The following KHDRBS2 variants were observed in gnomAD, a reference collection of about 807,000 sequenced individuals.
The protein encoded by KHDRBS2 is KH RNA binding domain containing, signal transduction associated 2.
KHDRBS2 carries 26 observed loss-of-function variants against 44.3 expected under a neutral mutation model. That is an observed-to-expected ratio of 0.59 (90% CI 0.43 to 0.81). KHDRBS2 has a LOEUF of 0.81. KHDRBS2 is among the 40% of genes least tolerant of loss of function. The pLI is 0.00. For synonymous variants in KHDRBS2, 194 were observed against 151.1 expected (o/e 1.28, Z -2.08); for missense variants, 476 against 433.1 (o/e 1.10, Z -0.88).
rs377582168 is a variant in KHDRBS2, at chr6:62,029,165, A to T, written c.336+18713T>A. On this transcript the variant is annotated intron_variant, in intron 3 of 8. Coordinates refer to ENST00000281156, the MANE Select transcript of KHDRBS2 (RefSeq NM_152688.4). ...AAATTTTTATATAACAATTATCTAA[A>T]CATAATTTTTAATAGCATATACTTT... 5.9e-5 allele frequency among the ~76,000 whole-genome samples: 9 copies of T among 152,146 alleles called. No individual in the cohort carries two copies. The East Asian group carries it at 1.7e-3, about 29-fold the overall frequency.
At chr6:61,877,697 G>A (rs1033187359) in intron 6 of KHDRBS2, among the ~76,000 whole-genome samples, 2 of 151,846 alleles carry the variant, frequency 1.3e-5, no homozygotes, top group Non-Finnish European at 2.9e-5. Flanking sequence ...TAAAAAAATG[G>A]TGTAAAAAAC....
chr6:61,637,866 C>A, the KHDRBS2 span, among the ~76,000 whole-genome samples: 3 of 152,076 alleles, frequency 2.0e-5, no homozygotes, highest in South Asian at 2.1e-4. Context: ...CCTTTGCCCA[C>A]TTTTTGATGG....
chr6:61,745,865 G>C lies in KHDRBS2; in HGVS notation c.811-13101C>G, dbSNP rs139661908. ...TAAAATATTTTATTTTATTTTATTT[G>C]CTCACACCTTTAAGTGGGGTTAAAA... On this transcript the variant is annotated intron_variant, in intron 6 of 8. Coordinates refer to ENST00000281156, the MANE Select transcript of KHDRBS2 (RefSeq NM_152688.4). 5.7e-3 allele frequency among the ~76,000 whole-genome samples: 862 copies of C among 151,848 alleles called. 11 individuals carry two copies. The highest frequency in any genetic ancestry group is 0.019 in the African/African-American group (793 of 41,434).
At chr6:62,284,021 T>A (rs893272427) in intron 1 of KHDRBS2, among the ~76,000 whole-genome samples, 1 of 152,086 alleles carries the variant, frequency 6.6e-6, no homozygotes, top group African/African-American at 2.4e-5. Context: ...TTCCCCCTGC[T>A]GGGAAAAAAT....
At chr6:61,687,410 T>G (rs1253142931) in intron 8 of KHDRBS2, among the ~76,000 whole-genome samples, 1 of 151,790 alleles carries the variant, frequency 6.6e-6, no homozygotes, top group Non-Finnish European at 1.5e-5. Context: ...CCCTAAAATC[T>G]TACCATGCAC....
chr6:61,552,835 C>A, the KHDRBS2 span, among the ~76,000 whole-genome samples: 1 of 151,984 alleles, frequency 6.6e-6, no homozygotes, highest in African/African-American at 2.4e-5. Context: ...ACCTTGCATC[C>A]CAGATATAAA....
chr6:62,171,654 T>C (rs1585050673), intron 2 of KHDRBS2, among the ~76,000 whole-genome samples: 2 of 151,274 alleles, frequency 1.3e-5, no homozygotes, highest in African/African-American at 2.4e-5. Context: ...CAAAATAAAA[T>C]AAAAGATATT....
chr6:61,821,957 T>C (rs771704331), intron 6 of KHDRBS2, among the ~76,000 whole-genome samples: 4 of 152,030 alleles, frequency 2.6e-5, no homozygotes, highest in Non-Finnish European at 5.9e-5. Flanking sequence ...AGTTGACCCA[T>C]TGTGTCAAAT....
chr6:62,017,961 C>T lies in KHDRBS2; in HGVS notation c.336+29917G>A, dbSNP rs564039995. Among the ~76,000 whole-genome samples, 238 of 151,620 alleles carry T rather than the reference C, an allele frequency of 1.6e-3. 6 individuals are homozygous for T. The South Asian group carries it at 0.046, about 30-fold the overall frequency. On this transcript the variant is annotated intron_variant, in intron 3 of 8. Transcript: ENST00000281156. Reference sequence around the variant, plus strand: ...AAATTTATTCTCCACTGCAAGTTACCGAAGACACATGATTCCATTAATCAT... The same window carrying T: ...AAATTTATTCTCCACTGCAAGTTACTGAAGACACATGATTCCATTAATCAT...
At chr6:61,812,197 C>G (rs1788224720) in intron 6 of KHDRBS2, among the ~76,000 whole-genome samples, 1 of 151,824 alleles carries the variant, frequency 6.6e-6, no homozygotes, top group Admixed American at 6.6e-5. Context: ...TTATCTACTT[C>G]CAACCATCGA....
At chr6:62,083,742 G>A (rs551116452) in intron 2 of KHDRBS2, among the ~76,000 whole-genome samples, 94 of 152,240 alleles carry the variant, frequency 6.2e-4, no homozygotes, top group Non-Finnish European at 1.2e-3. Flanking sequence ...GTCCTGCAAA[G>A]GGGTCAAGGG....
At chr6:61,947,505 A>G (rs866250224) in intron 4 of KHDRBS2, among the ~76,000 whole-genome samples, 34 of 152,224 alleles carry the variant, frequency 2.2e-4, no homozygotes, top group Middle Eastern at 3.4e-3. Context: ...TTGTTTAGTG[A>G]AGAGGAGAAA....
At chr6:61,955,464 G>GTA in intron 4 of KHDRBS2, among the ~76,000 whole-genome samples, 1 of 30,034 alleles carries the variant, frequency 3.3e-5, no homozygotes, top group Non-Finnish European at 6.0e-5. Flanking sequence ...ATATACATAT[G>GTA]TGTATATATA....
At chr6:62,066,703 A>T (rs1344993456) in intron 2 of KHDRBS2, among the ~76,000 whole-genome samples, 2 of 151,712 alleles carry the variant, frequency 1.3e-5, no homozygotes, top group African/African-American at 4.8e-5. Context: ...TTGAGCATAC[A>T]TTATGTGACA....
chr6:61,884,078 C>CA (rs1800579112), intron 6 of KHDRBS2, among the ~76,000 whole-genome samples: 1 of 151,976 alleles, frequency 6.6e-6, no homozygotes, highest in Admixed American at 6.6e-5. Context: ...CCTCTCCTGT[C>CA]AAAAAATGTT....
intron 6 of KHDRBS2, among the ~76,000 whole-genome samples, chr6:61,864,644 T>C (rs1386481344): frequency 6.6e-6 from 1 of 152,212 alleles, no homozygotes; most frequent in Non-Finnish European, 1.5e-5. Flanking sequence ...GTTAGTCTGA[T>C]AAGCTTCCCT....
At chr6:61,641,008 C>T in the KHDRBS2 span, among the ~76,000 whole-genome samples, 2 of 152,086 alleles carry the variant, frequency 1.3e-5, no homozygotes, top group Admixed American at 6.6e-5. Context: ...ATGCTCAAAA[C>T]CACCCCCACA....
chr6:61,937,880 T>A (rs961153360), intron 4 of KHDRBS2, among the ~76,000 whole-genome samples: 1 of 152,110 alleles, frequency 6.6e-6, no homozygotes, highest in African/African-American at 2.4e-5. Flanking sequence ...AATTTCCTCT[T>A]AATTTCTGGC....
chr6:61,769,771 C>A (rs1780567994), intron 6 of KHDRBS2, among the ~76,000 whole-genome samples: 1 of 152,220 alleles, frequency 6.6e-6, no homozygotes, highest in African/African-American at 2.4e-5. Context: ...AGGGCACAGA[C>A]AAACAAAAAG....
Sources: gnomAD v4.1 joint callset for allele counts (sites outside exome capture counted in the v4.1 genomes callset) on GRCh38, gnomAD v4.1.1 for gene constraint, MANE v1.5 for transcripts, NCBI Gene and HGNC (gene_info 2026-07-23, HGNC 2026-07-21) for gene names.